PIK3C3: variants seen among roughly 807,000 people sequenced by gnomAD.
PIK3C3 encodes PI3-kinase type 3.
PIK3C3 carries 95 observed loss-of-function variants against 126.1 expected under a neutral mutation model. The ratio of observed to expected loss-of-function variants is 0.75; its 90% CI spans 0.64 to 0.89. The LOEUF is 0.89. PIK3C3 is among the 40% of genes least tolerant of loss of function. PIK3C3 has a pLI of 0.00. For missense variants in PIK3C3, 829 were observed against 1,063.2 expected, an observed-to-expected ratio of 0.78 and a Z score of 3.06; for synonymous variants, 374 against 360.0, an observed-to-expected ratio of 1.04 and a Z score of -0.44.
chr18:42,001,960 T>C (rs1188309231), intron 9 of PIK3C3, among the ~76,000 whole-genome samples: 5 of 152,186 alleles, frequency 3.3e-5, no homozygotes, highest in Admixed American at 3.3e-4. Flanking sequence ...ATCTGTGTTC[T>C]ATACAGAAAG....
chr18:41,966,024 G>C (rs532061426), intron 3 of PIK3C3, among the ~76,000 whole-genome samples: 1 of 151,958 alleles, frequency 6.6e-6, no homozygotes, highest in Admixed American at 6.6e-5. Flanking sequence ...TTCATGTCCC[G>C]AACACATCAG....
intron 21 of PIK3C3, among the ~76,000 whole-genome samples, chr18:42,055,038 T>C (rs1328606795): frequency 6.6e-6 from 1 of 152,130 alleles, no homozygotes; most frequent in East Asian, 1.9e-4. Context: ...ATAATTTGGG[T>C]ATTTGACTCC....
intron 3 of PIK3C3, among the ~76,000 whole-genome samples, chr18:41,965,583 A>T (rs1023683751): frequency 6.6e-6 from 1 of 152,184 alleles, no homozygotes; most frequent in Non-Finnish European, 1.5e-5. Flanking sequence ...GGGGCCCAAG[A>T]ATCAGCATTT....
intron 4 of PIK3C3, among the ~76,000 whole-genome samples, 158 bp from the exon 5 acceptor site, chr18:41,987,654 T>C (rs1981554187): frequency 6.6e-6 from 1 of 152,132 alleles, no homozygotes; most frequent in Non-Finnish European, 1.5e-5. Context: ...AAATAATGAT[T>C]TGTCTCTTGC....
chr18:42,029,443 TA>T lies in PIK3C3; in HGVS notation c.1707+4del. The T allele has an allele frequency of 1.9e-6, 3 of 1,548,718 alleles. No individual in the cohort carries two copies. Among genetic ancestry groups the T allele is most frequent in the Non-Finnish European group, 2.7e-6 (3 of 1,120,904 alleles). On this transcript the variant is annotated splice_donor_region_variant and intron_variant, in intron 15 of 24. Transcript: ENST00000262039. ...GAAAGTGGAAATCGTAAGAAAAAGG[TA>T]AGCCTATGGTGTATGCTTTTGTTCC...
At chr18:41,969,773 C>T (rs553212070) in intron 3 of PIK3C3, among the ~76,000 whole-genome samples, 3 of 152,240 alleles carry the variant, frequency 2.0e-5, no homozygotes, top group Non-Finnish European at 2.9e-5. Context: ...TTTCCAGTTA[C>T]CTTGTGGGAT....
intron 19 of PIK3C3, among the ~76,000 whole-genome samples, chr18:42,043,063 T>A (rs1331064675): frequency 6.6e-6 from 1 of 152,058 alleles, no homozygotes; most frequent in African/African-American, 2.4e-5. Flanking sequence ...TTGTCAGAAA[T>A]ACAGGGTATT....
At chr18:42,023,391 G>A (rs998815581) in intron 13 of PIK3C3, among the ~76,000 whole-genome samples, 1 of 152,234 alleles carries the variant, frequency 6.6e-6, no homozygotes, top group Non-Finnish European at 1.5e-5. Context: ...CATAGCAGCT[G>A]CTTCTGTTCA....
intron 12 of PIK3C3, among the ~76,000 whole-genome samples, chr18:42,016,158 A>G (rs993248420): frequency 3.5e-4 from 53 of 152,286 alleles, no homozygotes; most frequent in African/African-American, 1.3e-3. Flanking sequence ...TTATTAGAAC[A>G]GTTCAAGTGA....
rs377558918 is a variant in PIK3C3 at position 41,974,811 on chromosome 18, C to T, written c.531+4355C>T. 1.6e-4 allele frequency among the ~76,000 whole-genome samples: 24 copies of T among 152,226 alleles called. 1 individual carries two copies. Among genetic ancestry groups the T allele is most frequent in the Admixed American group, 1.4e-3 (22 of 15,290 alleles). On this transcript the variant is annotated intron_variant, in intron 4 of 24. Coordinates refer to ENST00000262039, the MANE Select transcript of PIK3C3 (RefSeq NM_002647.4). The stretch of plus-strand genomic sequence containing the variant: ...GAGTTTTATGACTAGAATGCATATC[C>T]ACCTGGGGTTTTGGATGTGACTACC...
chr18:42,065,590 G>A (rs923799232), intron 23 of PIK3C3, among the ~76,000 whole-genome samples: 11 of 152,158 alleles, frequency 7.2e-5, no homozygotes, highest in Non-Finnish European at 1.5e-4. Context: ...GAACAGGAAC[G>A]ATGTCAATCA....
At chr18:42,058,905 A>G (rs1021219256) in intron 22 of PIK3C3, among the ~76,000 whole-genome samples, 2 of 152,236 alleles carry the variant, frequency 1.3e-5, no homozygotes, top group Admixed American at 1.3e-4. Context: ...ACATACATAC[A>G]TGCTCTTCCA....
chr18:42,055,889 AC>A (rs1487051491), intron 21 of PIK3C3, among the ~76,000 whole-genome samples: 1 of 152,266 alleles, frequency 6.6e-6, no homozygotes, highest in East Asian at 1.9e-4. Flanking sequence ...GCCTCAAACT[AC>A]AATTTTAGAA....
intron 15 of PIK3C3, among the ~76,000 whole-genome samples, chr18:42,033,091 T>C (rs1983902466): frequency 6.6e-6 from 1 of 152,144 alleles, no homozygotes; most frequent in South Asian, 2.1e-4. Context: ...CCTATTTAGG[T>C]GAGCAAGCCC....
chr18:41,986,815 C>T (rs1431386175), intron 4 of PIK3C3, among the ~76,000 whole-genome samples: 2 of 152,012 alleles, frequency 1.3e-5, no homozygotes, highest in Admixed American at 1.3e-4. Context: ...TGGAAGAAAG[C>T]TAAATTGATA....
At chr18:41,975,071 AGTATAGAG>A (rs1980849057) in intron 4 of PIK3C3, among the ~76,000 whole-genome samples, 1 of 152,170 alleles carries the variant, frequency 6.6e-6, no homozygotes, top group African/African-American at 2.4e-5. Context: ...TGTTGAGTAG[AGTATAGAG>A]GTGAACACTG....
At chr18:42,033,698 T>A in intron 15 of PIK3C3, 128 bp from the exon 16 acceptor site, 1 of 580,466 alleles carries the variant, frequency 1.7e-6, no homozygotes, top group South Asian at 2.3e-5. Context: ...CAACACCATC[T>A]CCTTTATATT....
At chr18:42,040,413 A>G (rs1448818159) in intron 18 of PIK3C3, among the ~76,000 whole-genome samples, 1 of 152,072 alleles carries the variant, frequency 6.6e-6, no homozygotes, top group Non-Finnish European at 1.5e-5. Context: ...TTAGTCTATT[A>G]GTTTTCGTTT....
chr18:42,020,799 T>G (rs1014435729), intron 13 of PIK3C3, 94 bp downstream of exon 13: 2 of 704,060 alleles, frequency 2.8e-6, no homozygotes, highest in Admixed American at 2.7e-5. Context: ...AAATAAGATA[T>G]GAGCAATCAT....
Sources: allele counts gnomAD v4.1 joint callset (sites outside exome capture counted in the v4.1 genomes callset), GRCh38; gene constraint gnomAD v4.1.1; transcripts MANE v1.5; gene names NCBI Gene and HGNC (gene_info 2026-07-23, HGNC 2026-07-21).